The following PDE3A variants were observed in gnomAD, a reference collection of about 807,000 sequenced individuals.
PDE3A encodes phosphodiesterase 3A.
PDE3A carries 43 observed loss-of-function variants against 98.3 expected under a neutral mutation model. The observed-to-expected ratio is 0.44, with a 90% CI of 0.34 to 0.56. The LOEUF is 0.56. Ranked by LOEUF, PDE3A falls within the 20% of genes least tolerant of loss-of-function variation. PDE3A has a pLI of 0.01. For synonymous variants in PDE3A, 663 were observed against 567.9 expected, an observed-to-expected ratio of 1.17 and a Z score of -2.38; for missense variants, 1,427 against 1,440.7, an observed-to-expected ratio of 0.99 and a Z score of 0.15.
intron 15 of PDE3A, among the ~76,000 whole-genome samples, chr12:20,670,254 C>A (rs1443809822): frequency 6.7e-6 from 1 of 148,254 alleles, no homozygotes; most frequent in Non-Finnish European, 1.5e-5. Context: ...TAATGGGAGA[C>A]TTTAACACCC....
chr12:20,591,020 T>G (rs187949150), intron 2 of PDE3A, among the ~76,000 whole-genome samples: 2 of 152,330 alleles, frequency 1.3e-5, no homozygotes, highest in Non-Finnish European at 1.5e-5. Context: ...ATGGTTGTTA[T>G]TATCATCACT....
At chr12:20,505,977 T>C (rs1946109883) in intron 1 of PDE3A, among the ~76,000 whole-genome samples, 1 of 151,984 alleles carries the variant, frequency 6.6e-6, no homozygotes, top group Non-Finnish European at 1.5e-5. Context: ...ACTTCACTGG[T>C]TTCTAGGGAC....
intron 10 of PDE3A, among the ~76,000 whole-genome samples, chr12:20,641,219 G>C (rs1944641566): frequency 6.6e-6 from 1 of 152,012 alleles, no homozygotes; most frequent in South Asian, 2.1e-4. Context: ...GAAGAATGTG[G>C]GACCAAAATA....
At chr12:20,637,444 AATATG>A (rs1181054848) in intron 9 of PDE3A, among the ~76,000 whole-genome samples, 1 of 152,114 alleles carries the variant, frequency 6.6e-6, no homozygotes, top group African/African-American at 2.4e-5. Flanking sequence ...CTACAATTAA[AATATG>A]ATATATTTTT....
At chr12:20,676,970 C>T (rs1592177549) in intron 15 of PDE3A, among the ~76,000 whole-genome samples, 1 of 152,102 alleles carries the variant, frequency 6.6e-6, no homozygotes, top group African/African-American at 2.4e-5. Context: ...CTTTTATTTT[C>T]TTTTCACCTT....
intron 2 of PDE3A, among the ~76,000 whole-genome samples, chr12:20,582,299 T>C (rs767044350): frequency 5.5e-4 from 83 of 152,050 alleles, no homozygotes; most frequent in Non-Finnish European, 1.1e-3. Flanking sequence ...GTTCAAGTAT[T>C]CTCCCACCTC....
chr12:20,386,097 A>G (rs1591870232), intron 1 of PDE3A, among the ~76,000 whole-genome samples: 1 of 48,816 alleles, frequency 2.0e-5, no homozygotes, highest in African/African-American at 7.0e-5. Context: ...ATAAATATAT[A>G]TAAATATATA....
chr12:20,592,650 A>G (rs1943368435), intron 2 of PDE3A, among the ~76,000 whole-genome samples: 1 of 152,198 alleles, frequency 6.6e-6, no homozygotes, highest in Non-Finnish European at 1.5e-5. Context: ...CATCAGGGAA[A>G]TTAGTGCACT....
intron 1 of PDE3A, among the ~76,000 whole-genome samples, chr12:20,395,765 G>A (rs1944005948): frequency 6.6e-6 from 1 of 150,718 alleles, no homozygotes; most frequent in Admixed American, 6.6e-5. Context: ...ACAATTTGGG[G>A]AGACCTATAG....
chr12:20,669,611 C>T lies in PDE3A; in HGVS notation c.3185-10419C>T, dbSNP rs550381119. Among the ~76,000 whole-genome samples, 567 of 151,634 alleles carry T rather than the reference C, an allele frequency of 3.7e-3. 4 individuals are homozygous for T. Among genetic ancestry groups the T allele is most frequent in the African/African-American group, 0.011 (450 of 41,262 alleles). ...ATCCAGCCAAACTAAGCTTCATAAG[C>T]GAAGGAGAAATAAAATACTTTACAG... On this transcript the variant is annotated intron_variant, in intron 15 of 15. Coordinates refer to ENST00000359062, the MANE Select transcript of PDE3A (RefSeq NM_000921.5).
At chr12:20,553,945 A>AT (rs1460770066) in intron 1 of PDE3A, among the ~76,000 whole-genome samples, 1 of 151,156 alleles carries the variant, frequency 6.6e-6, no homozygotes, top group Non-Finnish European at 1.5e-5. Context: ...TTTACATTCA[A>AT]TTTTTTTAAC....
At chr12:20,645,919 A>T (rs1229169769) in intron 10 of PDE3A, among the ~76,000 whole-genome samples, 2 of 152,212 alleles carry the variant, frequency 1.3e-5, no homozygotes, top group Non-Finnish European at 2.9e-5. Context: ...CTGAAATTAG[A>T]ATTTCTAGAT....
intron 2 of PDE3A, among the ~76,000 whole-genome samples, chr12:20,575,931 T>G (rs1410908557): frequency 1.3e-5 from 2 of 152,000 alleles, no homozygotes; most frequent in African/African-American, 4.8e-5. Context: ...TGGTCAATAT[T>G]TGTATATGTA....
At chr12:20,551,249 G>A (rs972940830) in intron 1 of PDE3A, among the ~76,000 whole-genome samples, 2 of 151,768 alleles carry the variant, frequency 1.3e-5, no homozygotes, top group Non-Finnish European at 2.9e-5. Flanking sequence ...TACTAGGGTT[G>A]GGATTCTTTC....
chr12:20,538,948 AT>A (rs58939246), intron 1 of PDE3A, among the ~76,000 whole-genome samples: 5,489 of 146,932 alleles, frequency 0.037, 136 homozygotes, highest in Middle Eastern at 0.14. Context: ...ACCTAGCCTT[AT>A]TTTTTTTTTT....
At chr12:20,476,262 T>C (rs928151286) in intron 1 of PDE3A, among the ~76,000 whole-genome samples, 4 of 152,188 alleles carry the variant, frequency 2.6e-5, no homozygotes, top group Non-Finnish European at 4.4e-5. Flanking sequence ...ATAATGTCCT[T>C]AGACTGGGAA....
intron 1 of PDE3A, among the ~76,000 whole-genome samples, chr12:20,453,451 T>C (rs1243999687): frequency 6.6e-6 from 1 of 151,970 alleles, no homozygotes; most frequent in East Asian, 1.9e-4. Flanking sequence ...ATACCTGGGA[T>C]TACAGGCATT....
chr12:20,469,259 A>C (rs1430302190), intron 1 of PDE3A, among the ~76,000 whole-genome samples: 2 of 152,194 alleles, frequency 1.3e-5, no homozygotes, highest in African/African-American at 4.8e-5. Context: ...TAGCCACCGT[A>C]ATAATGAATA....
intron 5 of PDE3A, among the ~76,000 whole-genome samples, chr12:20,625,057 C>A (rs1006497144): frequency 1.3e-5 from 2 of 152,070 alleles, no homozygotes; most frequent in African/African-American, 4.8e-5. Context: ...AGATAAATAC[C>A]CTGTTTCCAG....
Sources: gnomAD v4.1 joint callset for allele counts (sites outside exome capture counted in the v4.1 genomes callset) on GRCh38, gnomAD v4.1.1 for gene constraint, MANE v1.5 for transcripts, NCBI Gene and HGNC (gene_info 2026-07-23, HGNC 2026-07-21) for gene names.